ADCY5: variants seen among roughly 807,000 people sequenced by gnomAD.
ADCY5 encodes the protein adenylate cyclase 5.
Under a neutral mutation model 119.7 loss-of-function variants are expected in ADCY5, and 30 were observed. That is an observed-to-expected ratio of 0.25 (90% CI 0.19 to 0.34). The LOEUF is 0.34. Among genes scored for constraint, ADCY5 ranks in the 10% least tolerant of loss-of-function variants. The pLI, the probability that ADCY5 is intolerant of heterozygous loss-of-function variation, is 1.00. For missense variants in ADCY5, 1,324 were observed against 1,775.2 expected, an observed-to-expected ratio of 0.75 and a Z score of 4.57; for synonymous variants, 753 against 762.2, an observed-to-expected ratio of 0.99 and a Z score of 0.20.
rs866709032 is a variant in ADCY5, at chr3:123,410,085, C to T, written c.1134+37327G>A. ...ATAGCCCTGAGGTCCCTCTGCTCTC[C>T]CACATGAGCAGGTGCTGGATCCGGT... On this transcript the variant is annotated intron_variant, in intron 1 of 20. Transcript: ENST00000462833. Among the ~76,000 whole-genome samples the T allele has an allele frequency of 4.6e-5, 7 of 152,198 alleles. No homozygotes were observed. The South Asian group carries it at 1.2e-3, about 27-fold the overall frequency.
At chr3:123,325,769 A>G (rs1383986035) in intron 7 of ADCY5, among the ~76,000 whole-genome samples, 14 of 152,236 alleles carry the variant, frequency 9.2e-5, no homozygotes, top group Admixed American at 9.2e-4. Context: ...TTCTCCCTGT[A>G]AGTTCGACTG....
intron 1 of ADCY5, among the ~76,000 whole-genome samples, chr3:123,406,342 C>A (rs891458969): frequency 2.0e-5 from 3 of 152,256 alleles, no homozygotes; most frequent in Non-Finnish European, 2.9e-5. Context: ...GGCATTTCCC[C>A]GTGTGGCCCC....
chr3:123,310,299 G>A (rs1416530163), intron 12 of ADCY5, among the ~76,000 whole-genome samples: 2 of 151,956 alleles, frequency 1.3e-5, no homozygotes, highest in Non-Finnish European at 2.9e-5. Flanking sequence ...GGGCGGTGGC[G>A]GCAAAAGTAC....
At chr3:123,395,800 T>C (rs1314758427) in intron 1 of ADCY5, among the ~76,000 whole-genome samples, 2 of 151,064 alleles carry the variant, frequency 1.3e-5, no homozygotes, top group Non-Finnish European at 2.9e-5. Context: ...GGAGGACCAC[T>C]TGAGCCTAGG....
chr3:123,403,603 G>C (rs1232453807), intron 1 of ADCY5, among the ~76,000 whole-genome samples: 1 of 152,090 alleles, frequency 6.6e-6, no homozygotes, highest in African/African-American at 2.4e-5. Context: ...ATCAGTCCCT[G>C]GGTCCATCCC....
At position 123,374,783 on chromosome 3, in the gene ADCY5, T is replaced by C. The variant is rs192959070; in HGVS notation, c.1135-22202A>G. Among the ~76,000 whole-genome samples, 37 of 152,284 alleles carry C rather than the reference T, an allele frequency of 2.4e-4. No homozygotes were observed. In the East Asian group the frequency reaches 5.0e-3, roughly 21 times the overall value. On this transcript the variant is annotated intron_variant, in intron 1 of 20. Coordinates refer to ENST00000462833, the MANE Select transcript of ADCY5 (RefSeq NM_183357.3). Reference sequence around the variant, plus strand: ...CGGGGCTGGGGCTGGGAGGGAGGGATGAATCCAATAGATTCTATAAGGGAA... The same window carrying C: ...CGGGGCTGGGGCTGGGAGGGAGGGACGAATCCAATAGATTCTATAAGGGAA...
intron 5 of ADCY5, among the ~76,000 whole-genome samples, 195 bp from the exon 6 acceptor site, chr3:123,328,997 G>A (rs1208432187): frequency 2.0e-5 from 3 of 152,138 alleles, no homozygotes; most frequent in Non-Finnish European, 2.9e-5. Context: ...GCTGTGAAAG[G>A]GGCTGTTCCC....
At chr3:123,446,270 G>T (rs1352347076) in intron 1 of ADCY5, among the ~76,000 whole-genome samples, 1 of 152,178 alleles carries the variant, frequency 6.6e-6, no homozygotes, top group Non-Finnish European at 1.5e-5. Flanking sequence ...GAGGATAAAA[G>T]TCTAAGAGAA....
At chr3:123,349,041 C>T (rs571646986) in intron 2 of ADCY5, among the ~76,000 whole-genome samples, 1 of 152,284 alleles carries the variant, frequency 6.6e-6, no homozygotes, top group African/African-American at 2.4e-5. Flanking sequence ...AAGTCCATGG[C>T]CAAGGTTCCC....
intron 1 of ADCY5, among the ~76,000 whole-genome samples, chr3:123,373,710 C>T (rs1024715337): frequency 6.6e-6 from 1 of 151,350 alleles, no homozygotes; most frequent in Non-Finnish European, 1.5e-5. Context: ...CTTTCATCAC[C>T]GACACTTGCT....
intron 16 of ADCY5, 116 bp downstream of exon 16, chr3:123,297,237 T>C: frequency 1.4e-6 from 2 of 1,463,120 alleles, no homozygotes; most frequent in South Asian, 2.3e-5. Context: ...CTGTTGGCCT[T>C]CTCCTTCACT....
intron 16 of ADCY5, 115 bp downstream of exon 16, chr3:123,297,238 C>T: frequency 6.8e-7 from 1 of 1,466,352 alleles, no homozygotes; most frequent in Non-Finnish European, 9.5e-7. Context: ...TGTTGGCCTT[C>T]TCCTTCACTA....
intron 18 of ADCY5, among the ~76,000 whole-genome samples, chr3:123,290,244 C>A (rs913179551): frequency 5.9e-5 from 9 of 152,198 alleles, no homozygotes; most frequent in Admixed American, 3.3e-4. Context: ...TCTCTTGTCT[C>A]CCCTTCAACA....
At chr3:123,317,948 T>TG in intron 11 of ADCY5, 72 bp downstream of exon 11, 1 of 1,411,862 alleles carries the variant, frequency 7.1e-7, no homozygotes, top group African/African-American at 1.4e-5. Context: ...TTCTCCTAAA[T>TG]GACCACCCCC....
At chr3:123,358,652 C>T (rs902618521) in intron 1 of ADCY5, among the ~76,000 whole-genome samples, 1 of 152,062 alleles carries the variant, frequency 6.6e-6, no homozygotes, top group Non-Finnish European at 1.5e-5. Context: ...GGATGGGGTC[C>T]GAGTGGACAA....
intron 1 of ADCY5, among the ~76,000 whole-genome samples, chr3:123,442,443 G>A (rs990455912): frequency 1.1e-4 from 16 of 152,218 alleles, no homozygotes; most frequent in Non-Finnish European, 8.8e-5. Flanking sequence ...CCACACCCTC[G>A]GACAGAGGGA....
At chr3:123,392,581 G>C (rs1445432789) in intron 1 of ADCY5, among the ~76,000 whole-genome samples, 1 of 152,246 alleles carries the variant, frequency 6.6e-6, no homozygotes, top group Non-Finnish European at 1.5e-5. Context: ...CCTAAGGCCA[G>C]TCAGCCGATG....
rs1374753032 is a variant in ADCY5, at chr3:123,284,563, A to T, written c.*45T>A. 3 of 1,610,712 alleles carry T rather than the reference A, an allele frequency of 1.9e-6. No individual in the cohort carries two copies. The African/African-American group carries it at 4.0e-5, about 22-fold the overall frequency. ...CCCGGCACACAGAGAAGCTGCTTCC[A>T]TGCCTCTGGAGGCCAGGCTGCCTGG... On this transcript the variant is annotated 3_prime_UTR_variant, in exon 21 of 21. Coordinates refer to ENST00000462833, the MANE Select transcript of ADCY5 (RefSeq NM_183357.3).
chr3:123,289,670 G>A (rs540429402), intron 19 of ADCY5, 80 bp downstream of exon 19: 27 of 1,506,866 alleles, frequency 1.8e-5, no homozygotes, highest in Non-Finnish European at 2.0e-5. Context: ...TGGCGGATGC[G>A]GTATGGGGTA....
Sources: gnomAD v4.1 joint callset for allele counts (sites outside exome capture counted in the v4.1 genomes callset) on GRCh38, gnomAD v4.1.1 for gene constraint, MANE v1.5 for transcripts, NCBI Gene and HGNC (gene_info 2026-07-23, HGNC 2026-07-21) for gene names.